BAIAP2L1: variants seen among roughly 807,000 people sequenced by gnomAD.
BAIAP2L1 encodes BAR/IMD domain containing adaptor protein 2 like 1.
BAIAP2L1 carries 35 observed loss-of-function variants against 66.3 expected under a neutral mutation model. The ratio of observed to expected loss-of-function variants is 0.53; its 90% CI spans 0.40 to 0.70. The LOEUF is 0.70. BAIAP2L1 is among the 30% of genes least tolerant of loss of function. The pLI is 0.00. For missense variants in BAIAP2L1, 622 were observed against 656.9 expected (o/e 0.95, Z 0.58); for synonymous variants, 269 against 248.7 (o/e 1.08, Z -0.77).
intron 1 of BAIAP2L1, among the ~76,000 whole-genome samples, chr7:98,368,406 G>A (rs1328535285): frequency 1.3e-5 from 2 of 151,986 alleles, no homozygotes; most frequent in Non-Finnish European, 2.9e-5. Flanking sequence ...GTGACAGAGT[G>A]AGACTCCATC....
At chr7:98,319,054 C>T (rs1363721043) in intron 5 of BAIAP2L1, among the ~76,000 whole-genome samples, 5 of 152,170 alleles carry the variant, frequency 3.3e-5, no homozygotes, top group South Asian at 2.1e-4. Flanking sequence ...AGCAGCTGTC[C>T]GGGTCCTGTG....
intron 3 of BAIAP2L1, among the ~76,000 whole-genome samples, chr7:98,343,248 T>TACACACACACACACAC (rs57033582): frequency 7.8e-6 from 1 of 128,592 alleles, no homozygotes; most frequent in Non-Finnish European, 1.6e-5. Context: ...AAAAAAAAAA[T>TACACACACACACACAC]ACACACACAC....
At chr7:98,398,316 G>C (rs1260412553) in intron 1 of BAIAP2L1, among the ~76,000 whole-genome samples, 1 of 152,072 alleles carries the variant, frequency 6.6e-6, no homozygotes, top group East Asian at 1.9e-4. Context: ...TGGATAGGGG[G>C]AAGAACCCAA....
chr7:98,382,051 G>A (rs62478206), intron 1 of BAIAP2L1, among the ~76,000 whole-genome samples: 3,389 of 150,750 alleles, frequency 0.022, 41 homozygotes, highest in Non-Finnish European at 0.033. Context: ...TCAGCCTCCT[G>A]AGTAGCTGGG....
chr7:98,352,408 T>C (rs547804575), intron 3 of BAIAP2L1, among the ~76,000 whole-genome samples: 49 of 152,142 alleles, frequency 3.2e-4, no homozygotes, highest in African/African-American at 1.1e-3. Context: ...TTGAGAGGCG[T>C]AGGCGGGTGG....
chr7:98,311,779 C>CTG (rs1800882489), intron 8 of BAIAP2L1, among the ~76,000 whole-genome samples: 2 of 151,760 alleles, frequency 1.3e-5, no homozygotes, highest in Admixed American at 6.6e-5. Context: ...GGTGGTGCGC[C>CTG]CCAGTAATCC....
rs1199399402 is a variant in BAIAP2L1 at position 98,376,444 on chromosome 7, G to A, written c.52-14012C>T. Among the ~76,000 whole-genome samples the A allele has an allele frequency of 3.9e-5, 6 of 151,978 alleles. No homozygotes were observed. In the East Asian group the frequency reaches 7.7e-4, roughly 20 times the overall value. ...GAGAATTGCTTGAGCCAGAGAGGTCGAGGTCACAGCGAGCCACGATCACAC... is the reference window on the plus strand; with the variant it reads ...GAGAATTGCTTGAGCCAGAGAGGTCAAGGTCACAGCGAGCCACGATCACAC... On this transcript the variant is annotated intron_variant, in intron 1 of 13. Coordinates refer to ENST00000005260, the MANE Select transcript of BAIAP2L1 (RefSeq NM_018842.5).
At chr7:98,344,168 C>T (rs1584472154) in intron 3 of BAIAP2L1, among the ~76,000 whole-genome samples, 1 of 152,122 alleles carries the variant, frequency 6.6e-6, no homozygotes, top group East Asian at 1.9e-4. Context: ...CAGAGCAAGA[C>T]TCCGTTCCAA....
intron 1 of BAIAP2L1, among the ~76,000 whole-genome samples, chr7:98,389,204 CCCT>C (rs1284538786): frequency 2.0e-5 from 3 of 152,264 alleles, no homozygotes; most frequent in Non-Finnish European, 4.4e-5. Context: ...GCAGGGGCTT[CCCT>C]CCTCCTAACT....
intron 1 of BAIAP2L1, among the ~76,000 whole-genome samples, chr7:98,389,544 C>G (rs532511583): frequency 6.6e-6 from 1 of 152,202 alleles, no homozygotes; most frequent in South Asian, 2.1e-4. Flanking sequence ...TGGTTTCAAA[C>G]TCCTGACCTC....
chr7:98,340,294 C>A (rs901263769), intron 3 of BAIAP2L1, among the ~76,000 whole-genome samples: 1 of 151,792 alleles, frequency 6.6e-6, no homozygotes, highest in African/African-American at 2.4e-5. Flanking sequence ...ATATTTATTT[C>A]TTTATTTTTT....
At chr7:98,316,867 C>CTT (rs572099095) in intron 6 of BAIAP2L1, among the ~76,000 whole-genome samples, 7 of 145,564 alleles carry the variant, frequency 4.8e-5, no homozygotes, top group Middle Eastern at 7.0e-3. Flanking sequence ...AACTTCAAAA[C>CTT]TTTTTTTTTT....
intron 3 of BAIAP2L1, among the ~76,000 whole-genome samples, chr7:98,331,382 C>T (rs1402018602): frequency 6.6e-6 from 1 of 151,508 alleles, no homozygotes; most frequent in Non-Finnish European, 1.5e-5. Context: ...CCAAAAAGCT[C>T]AGAGAACACA....
chr7:98,373,301 TTGAG>T (rs1354923329), intron 1 of BAIAP2L1, among the ~76,000 whole-genome samples: 25 of 152,210 alleles, frequency 1.6e-4, no homozygotes, highest in Non-Finnish European at 2.9e-4. Context: ...CTTTGAGGTA[TTGAG>T]TTAGATCAGA....
At chr7:98,315,815 G>C (rs756666898) in intron 6 of BAIAP2L1, among the ~76,000 whole-genome samples, 6 of 152,132 alleles carry the variant, frequency 3.9e-5, no homozygotes, top group Non-Finnish European at 5.9e-5. Context: ...CGTGTGCAGA[G>C]AGAAGTTGCC....
Position 98,362,448 on chromosome 7 carries a change from AAC to A in BAIAP2L1, c.52-18_52-17del. ...CCATAACATTCTGCCAAACAAACAA[AAC>A]ACACAAATTAATAAAATAAAAAATA... On this transcript the variant is annotated splice_polypyrimidine_tract_variant and intron_variant, in intron 1 of 13. Transcript: ENST00000005260. The A allele has an allele frequency of 1.3e-6, 2 of 1,590,998 alleles. No individual in the cohort carries two copies. The highest frequency in any genetic ancestry group is 1.7e-6 in the Non-Finnish European group (2 of 1,170,756).
At chr7:98,364,194 C>T (rs7776638) in intron 1 of BAIAP2L1, among the ~76,000 whole-genome samples, 58,421 of 151,802 alleles carry the variant, frequency 0.38, 12,614 homozygotes, top group Middle Eastern at 0.54. Context: ...TATGACTTTG[C>T]ACTAAGGCTG....
Position 98,375,516 on chromosome 7 carries a change from G to A in BAIAP2L1, c.52-13084C>T, listed in dbSNP as rs142980596. 6.4e-3 allele frequency among the ~76,000 whole-genome samples: 970 copies of A among 152,032 alleles called. 14 individuals are homozygous for A. Among genetic ancestry groups the A allele is most frequent in the African/African-American group, 0.023 (936 of 41,478 alleles). On this transcript the variant is annotated intron_variant, in intron 1 of 13. Coordinates refer to ENST00000005260, the MANE Select transcript of BAIAP2L1 (RefSeq NM_018842.5). Reference sequence around the variant, plus strand: ...TATAATCCCAGCACTTTGGGAGGCCGAGGCTGGCAGATCACCTGAGGTAAG... The same window carrying A: ...TATAATCCCAGCACTTTGGGAGGCCAAGGCTGGCAGATCACCTGAGGTAAG...
chr7:98,379,601 C>T (rs1203332066), intron 1 of BAIAP2L1, among the ~76,000 whole-genome samples: 1 of 152,184 alleles, frequency 6.6e-6, no homozygotes. Flanking sequence ...TCTAAGCTGT[C>T]ATTTAAATTC....
Sources: gnomAD v4.1 joint callset for allele counts (sites outside exome capture counted in the v4.1 genomes callset) on GRCh38, gnomAD v4.1.1 for gene constraint, MANE v1.5 for transcripts, NCBI Gene and HGNC (gene_info 2026-07-23, HGNC 2026-07-21) for gene names.